TMC6: variants seen among roughly 807,000 people sequenced by gnomAD.
TMC6 encodes transmembrane channel like 6, also known as transmembrane channel-like protein 6.
In TMC6, 71 loss-of-function variants were observed where a neutral mutation model predicts 95.4. The observed-to-expected ratio is 0.74, with a 90% CI of 0.61 to 0.91. TMC6 has a LOEUF of 0.91. Among genes scored for constraint, TMC6 ranks in the 40% least tolerant of loss-of-function variants. TMC6 has a pLI of 0.00. For missense variants in TMC6, 1,074 were observed against 1,079.1 expected, an observed-to-expected ratio of 1.00 and a Z score of 0.07; for synonymous variants, 514 against 483.1, an observed-to-expected ratio of 1.06 and a Z score of -0.84.
upstream of TMC6, chr17:78,132,386 A>G (rs748223948): frequency 1.2e-6 from 2 of 1,613,032 alleles, no homozygotes; most frequent in Non-Finnish European, 1.7e-6. Flanking sequence ...ATTCGGTCCT[A>G]CTTCACCTTC....
upstream of TMC6, chr17:78,132,200 A>C: frequency 7.3e-7 from 1 of 1,373,706 alleles, no homozygotes; most frequent in Non-Finnish European, 1.0e-6. Flanking sequence ...CCTCGGGCCC[A>C]CGCAGCACCC....
At chr17:78,131,952 G>A, upstream of TMC6, 2 of 1,517,198 alleles carry the variant, frequency 1.3e-6, no homozygotes, top group South Asian at 2.4e-5. Context: ...GCAGACGGTG[G>A]AAAGGCGCCT....
rs535753352 is a variant in TMC6 at position 78,112,843 on chromosome 17, C to A, written c.*305G>T. On this transcript the variant is annotated 3_prime_UTR_variant, in exon 20 of 20. Coordinates refer to ENST00000590602, the MANE Select transcript of TMC6 (RefSeq NM_001127198.5). ...CTGAGGTTCCCAGGACCCAGACCTG[C>A]GCCTGGAGGTGGCCCCAGGGCAGCG... is the stretch of plus-strand genomic sequence containing the variant. 4.3e-6 allele frequency: 2 copies of A among 465,424 alleles called. No individual in the cohort carries two copies. The highest frequency in any genetic ancestry group is 4.0e-5 in the Admixed American group (1 of 25,198). 28.8% of individuals were successfully genotyped at this position (465,424 alleles called of 1,614,324 possible).
upstream of TMC6, chr17:78,128,820 C>T (rs1407088586): frequency 1.4e-5 from 2 of 141,112 alleles, no homozygotes; most frequent in Non-Finnish European, 3.1e-5. The surrounding 1 kb of genome is among the most constrained non-coding windows in gnomAD (Gnocchi z 4.0). Flanking sequence ...GGGCGGGCCT[C>T]GGCTATCACG....
In TMC6 at chr17:78,124,594, T is replaced by C; in HGVS notation, c.821A>G (p.Gln274Arg). Residue 274 changes from glutamine to arginine, a missense_variant, in exon 8 of 20, where the codon CAG (glutamine) becomes CGG (arginine). Gln to Arg is a conservative substitution (Grantham distance 43, BLOSUM62 1). Coordinates refer to ENST00000590602, the MANE Select transcript of TMC6 (RefSeq NM_001127198.5). ...CGGCAGGGCGGGTGGGAAGGCGACC[T>C]GAGGGCCCATGATGAAGGCCACCAG... ...LLLVAFIMGPQVAFPPALPGP... is the reference protein window; with the variant it reads ...LLLVAFIMGPRVAFPPALPGP... 6.2e-7 allele frequency: 1 copy of C among 1,612,236 alleles called. No individual in the cohort carries two copies. Among genetic ancestry groups the C allele is most frequent in the Non-Finnish European group, 8.5e-7 (1 of 1,179,778 alleles).
upstream of TMC6, chr17:78,132,058 C>G (rs1334601590): frequency 6.5e-7 from 1 of 1,534,842 alleles, no homozygotes; most frequent in South Asian, 1.2e-5. Flanking sequence ...CGCACCTCCC[C>G]TTGCCCTCTC....
In TMC6 at chr17:78,124,678, A is replaced by G. The variant is rs1006900262; in HGVS notation, c.737T>C (p.Leu246Pro). The G allele has an allele frequency of 3.1e-6, 5 of 1,606,904 alleles. No homozygotes were observed. The highest frequency in any genetic ancestry group is 3.4e-5 in the Admixed American group (2 of 58,948). The change falls in exon 8 of 20, where the codon CTC becomes CCC. Residue 246 changes from leucine (L) to proline (P), a missense_variant. Physicochemically the swap from Leu to Pro is moderately conservative, Grantham distance 98. Transcript: ENST00000590602. ...GGTCTTGAGAAAGAGGAAGTAGGAG[A>G]GCACGCTGGAGCCGAACTGGCCCCC... ...RIGGQFGSSV[L>P]SYFLFLKTLL...
chr17:78,126,448 GCTGGGAGGCCCGTC>G lies in TMC6; in HGVS notation c.181+62_181+75del. On this transcript the variant is annotated intron_variant, in intron 3 of 19. Coordinates refer to ENST00000590602, the MANE Select transcript of TMC6 (RefSeq NM_001127198.5). ...TCCCACCCCATCCCAGGCCTGCAGAGCTGGGAGGCCCGTCCTGAGGGGCTGGGGCACCCAAGTCT... is the reference window on the plus strand; with the variant it reads ...TCCCACCCCATCCCAGGCCTGCAGAGCTGAGGGGCTGGGGCACCCAAGTCT... The G allele has an allele frequency of 2.5e-6, 4 of 1,608,334 alleles. No homozygotes were observed. The South Asian group carries it at 4.4e-5, about 18-fold the overall frequency.
At position 78,117,249 on chromosome 17, in the gene TMC6, A is replaced by C. The variant is rs1463032757; in HGVS notation, c.2277+20T>G. ...ACCTGAGAGGGTGGGGGCTGAGAGC[A>C]GCCCAGGAGGGGCACTCACATTGCT... On this transcript the variant is annotated intron_variant, in intron 18 of 19. Transcript: ENST00000590602. The C allele has an allele frequency of 6.2e-7, 1 of 1,612,916 alleles. No individual in the cohort carries two copies. The highest frequency in any genetic ancestry group is 8.5e-7 in the Non-Finnish European group (1 of 1,179,738).
intron 13 of TMC6, among the ~76,000 whole-genome samples, chr17:78,119,606 T>A (rs1567990171): frequency 6.6e-6 from 1 of 152,056 alleles, no homozygotes; most frequent in Non-Finnish European, 1.5e-5. Flanking sequence ...ACACCCGGAG[T>A]TAAACAAGCA....
At chr17:78,120,600 C>A in intron 13 of TMC6, 53 bp downstream of exon 13, 1 of 1,600,354 alleles carries the variant, frequency 6.2e-7, no homozygotes, top group Non-Finnish European at 8.5e-7. Context: ...GCCACACGTC[C>A]CGGCCACTAA....
Position 78,110,656 on chromosome 17 carries a change from GCA to G in TMC6, c.*2490_*2491del, listed in dbSNP as rs2073807337. On this transcript the variant is annotated 3_prime_UTR_variant, in exon 20 of 20. Transcript: ENST00000590602. ...AGTCTTGTCATTCAGCCTGAAAATAGCATCAAGTTCCCATCCACTCGAACAAC... is the reference window on the plus strand; with the variant it reads ...AGTCTTGTCATTCAGCCTGAAAATAGTCAAGTTCCCATCCACTCGAACAAC... The G allele has an allele frequency of 6.6e-6, 1 of 152,220 alleles. No homozygotes were observed. The allele number at this position is 152,220 out of a possible 1,614,324, so 9.4% of individuals were successfully genotyped here. A position where few individuals can be genotyped will look rare whatever the true frequency, so the allele number is the denominator to read the frequency against.
At position 78,112,685 on chromosome 17, in the gene TMC6, G is replaced by A; in HGVS notation, c.*463C>T. The A allele has an allele frequency of 4.7e-6, 1 of 212,820 alleles. No homozygotes were observed. 13.2% of individuals were successfully genotyped at this position (212,820 alleles called of 1,614,324 possible). ...TCTGGTCACAATCCGTGCCTGCTCG[G>A]CTCACTTGTGCAGGTGTAAGCCCCT... On this transcript the variant is annotated 3_prime_UTR_variant, in exon 20 of 20. Coordinates refer to ENST00000590602, the MANE Select transcript of TMC6 (RefSeq NM_001127198.5).
chr17:78,111,722 T>G lies in TMC6; in HGVS notation c.*1426A>C, dbSNP rs1598810337. ...GGGTGGGCTAGACCCAGCGTGGGGG[T>G]CTGCTAGCAGCCAGTGGCATCTCCA... On this transcript the variant is annotated 3_prime_UTR_variant, in exon 20 of 20. Transcript: ENST00000590602. 1.2e-5 allele frequency: 2 copies of G among 170,542 alleles called. No individual in the cohort carries two copies. The highest frequency in any genetic ancestry group is 4.8e-5 in the African/African-American group (2 of 41,536). 10.6% of individuals were successfully genotyped at this position (170,542 alleles called of 1,614,324 possible).
At chr17:78,128,872 G>T (rs1156479665), upstream of TMC6, 3 of 148,934 alleles carry the variant, frequency 2.0e-5, no homozygotes, top group Non-Finnish European at 4.5e-5. The surrounding 1 kb of genome is among the most constrained non-coding windows in gnomAD (Gnocchi z 4.0). Flanking sequence ...TCCTCCGGGC[G>T]CCCCGCGGCG....
chr17:78,119,134 G>A (rs565513959), intron 14 of TMC6, 88 bp from the exon 15 acceptor site: 2 of 1,503,560 alleles, frequency 1.3e-6, no homozygotes, highest in African/African-American at 1.4e-5. Context: ...CAGGGCATGT[G>A]ACAGTGGCCA....
rs1853962474 is a variant in TMC6, at chr17:78,113,224, G to C, written c.2355-13C>G. On this transcript the variant is annotated splice_polypyrimidine_tract_variant and intron_variant, in intron 19 of 19. Coordinates refer to ENST00000590602, the MANE Select transcript of TMC6 (RefSeq NM_001127198.5). ...GGTTGTCCCAACCCTGCCAGAAAGA[G>C]ACATCACTGAGGGGACCCCATAAAC... 6.4e-7 allele frequency: 1 copy of C among 1,551,280 alleles called. No individual in the cohort carries two copies. The highest frequency in any genetic ancestry group is 8.7e-7 in the Non-Finnish European group (1 of 1,146,316).
Position 78,113,037 on chromosome 17 carries a change from T to C in TMC6, c.*111A>G. The C allele has an allele frequency of 7.4e-7, 1 of 1,344,422 alleles. No individual in the cohort carries two copies. The highest frequency in any genetic ancestry group is 1.0e-6 in the Non-Finnish European group (1 of 965,546). The allele number at this position is 1,344,422 out of a possible 1,614,324, so 83.3% of individuals were successfully genotyped here. A position where few individuals can be genotyped will look rare whatever the true frequency, so the allele number is the denominator to read the frequency against. The stretch of plus-strand genomic sequence containing the variant: ...GCTCCAGCCTAGGCGCAGCTGCGGC[T>C]TTCGAGAGGCGAAACTGTCTTCCTT... On this transcript the variant is annotated 3_prime_UTR_variant, in exon 20 of 20. Coordinates refer to ENST00000590602, the MANE Select transcript of TMC6 (RefSeq NM_001127198.5).
At chr17:78,126,500 C>T (rs761481225) in intron 3 of TMC6, 24 bp downstream of exon 3, 1 of 1,612,646 alleles carries the variant, frequency 6.2e-7, no homozygotes, top group South Asian at 1.1e-5. Context: ...GTCCACACCA[C>T]CCAGCATCCA....
Sources: gnomAD v4.1 joint callset for allele counts (sites outside exome capture counted in the v4.1 genomes callset) on GRCh38, gnomAD v4.1.1 for gene constraint, Gnocchi (gnomAD v3.1) non-coding constraint, MANE v1.5 for transcripts, NCBI Gene and HGNC (gene_info 2026-07-23, HGNC 2026-07-21) for gene names.